Variants in ATRX observed in about 807,000 individuals in gnomAD.
ATRX encodes chromatin remodeler ATRX.
Under a neutral mutation model 172.6 loss-of-function variants are expected in ATRX, and 12 were observed. The observed-to-expected ratio is 0.07, with a 90% CI of 0.04 to 0.11. The LOEUF is 0.11. Ranked by LOEUF, ATRX falls within the 10% of genes least tolerant of loss-of-function variation. The pLI is 1.00. For synonymous variants in ATRX, 674 were observed against 594.7 expected (o/e 1.13, Z -1.94); for missense variants, 1,368 against 1,767.4 (o/e 0.77, Z 4.05).
intron 5 of ATRX, among the ~76,000 whole-genome samples, chrX:77,695,271 T>G (rs1557149278): frequency 3.6e-5 from 4 of 111,046 alleles, no homozygotes. Context: ...CTTACAGTGT[T>G]GTTTTGAGGA....
chrX:77,523,894 T>C (rs2063305380), intron 30 of ATRX, among the ~76,000 whole-genome samples: 1 of 111,720 alleles, frequency 9.0e-6, no homozygotes, highest in Non-Finnish European at 1.9e-5. Flanking sequence ...AGAGTTTAAC[T>C]GAAACATATA....
intron 1 of ATRX, among the ~76,000 whole-genome samples, chrX:77,769,473 G>C (rs1437446632): frequency 1.8e-5 from 2 of 110,348 alleles, no homozygotes; most frequent in African/African-American, 6.6e-5. Flanking sequence ...ATTTTTAGTA[G>C]AGACAGGGTT....
intron 13 of ATRX, among the ~76,000 whole-genome samples, chrX:77,654,867 A>G (rs2069458424): frequency 8.9e-6 from 1 of 112,281 alleles, no homozygotes; most frequent in Non-Finnish European, 1.9e-5. Context: ...AAGCAGCATT[A>G]TTCATGATAG....
chrX:77,537,691 T>C (rs1602427679), intron 30 of ATRX, among the ~76,000 whole-genome samples: 1 of 110,440 alleles, frequency 9.1e-6, no homozygotes, highest in Admixed American at 9.7e-5. Flanking sequence ...CATATTTCTA[T>C]ACAGAGGTGT....
chrX:77,586,310 T>C (rs531079571), intron 27 of ATRX, among the ~76,000 whole-genome samples: 5 of 111,001 alleles, frequency 4.5e-5, no homozygotes, highest in South Asian at 3.8e-4. Flanking sequence ...AAATCAGACA[T>C]TGGAGTCAGG....
intron 34 of ATRX, among the ~76,000 whole-genome samples, chrX:77,515,520 C>T (rs1219783437): frequency 2.7e-5 from 3 of 111,363 alleles, no homozygotes; most frequent in African/African-American, 9.8e-5. Flanking sequence ...GTGCCCTCTG[C>T]CTACTCATAC....
At chrX:77,591,791 A>G (rs1367229023) in intron 26 of ATRX, among the ~76,000 whole-genome samples, 2 of 112,268 alleles carry the variant, frequency 1.8e-5, no homozygotes, top group Non-Finnish European at 3.8e-5. Context: ...TAAGTTCTTG[A>G]AAGTTCCCGT....
intron 10 of ATRX, among the ~76,000 whole-genome samples, chrX:77,673,073 C>A (rs2070706824): frequency 9.0e-6 from 1 of 111,375 alleles, no homozygotes; most frequent in African/African-American, 3.2e-5. Context: ...CTTGAACACA[C>A]TACTATCGTA....
At chrX:77,726,692 G>A (rs2074058447) in intron 1 of ATRX, among the ~76,000 whole-genome samples, 1 of 111,469 alleles carries the variant, frequency 9.0e-6, no homozygotes, top group Non-Finnish European at 1.9e-5. Flanking sequence ...TACAAAAGGA[G>A]CTTGAGGCAG....
intron 14 of ATRX, 28 bp downstream of exon 14, chrX:77,654,070 T>A: frequency 8.9e-7 from 1 of 1,129,627 alleles, no homozygotes; most frequent in Non-Finnish European, 1.2e-6. Context: ...TGGTTATAAT[T>A]CAAGCATGTG....
intron 21 of ATRX, 24 bp from the exon 22 acceptor site, chrX:77,616,754 G>A (rs2067372811): frequency 1.9e-6 from 2 of 1,032,203 alleles, no homozygotes; most frequent in Non-Finnish European, 2.7e-6. Context: ...GAAAGAGAAT[G>A]AAAATTAATC....
At chrX:77,511,163 A>G (rs1259206521) in intron 34 of ATRX, among the ~76,000 whole-genome samples, 4 of 111,944 alleles carry the variant, frequency 3.6e-5, no homozygotes, top group African/African-American at 1.3e-4. Flanking sequence ...AATCCAGACA[A>G]TTCTTCCAGA....
At chrX:77,569,330 C>A (rs191523040) in intron 28 of ATRX, among the ~76,000 whole-genome samples, 1 of 111,094 alleles carries the variant, frequency 9.0e-6, no homozygotes, top group Admixed American at 9.6e-5. Flanking sequence ...ATAAACAGAG[C>A]TGAAAATATC....
intron 6 of ATRX, among the ~76,000 whole-genome samples, chrX:77,689,194 A>T (rs1762832998): frequency 8.9e-6 from 1 of 112,029 alleles, no homozygotes; most frequent in African/African-American, 3.2e-5. Flanking sequence ...CATTAAGAGA[A>T]CCCATAAAAA....
chrX:77,599,983 C>T (rs185469242), intron 23 of ATRX, among the ~76,000 whole-genome samples, 163 bp from the exon 24 acceptor site: 1 of 111,623 alleles, frequency 9.0e-6, no homozygotes, highest in East Asian at 2.8e-4. Flanking sequence ...GATATGCTTA[C>T]TAAATGCAAT....
chrX:77,551,251 C>T (rs2064497258), intron 30 of ATRX, among the ~76,000 whole-genome samples: 1 of 111,890 alleles, frequency 8.9e-6, no homozygotes, highest in African/African-American at 3.3e-5. Flanking sequence ...CAGCATGGTA[C>T]TGGTACCAAA....
intron 17 of ATRX, chrX:77,633,950 A>G: frequency 2.7e-6 from 1 of 363,849 alleles, no homozygotes; most frequent in Non-Finnish European, 4.8e-6. Context: ...GTATAAAATG[A>G]TCCCATACCA....
intron 1 of ATRX, among the ~76,000 whole-genome samples, chrX:77,762,030 C>T (rs782122706): frequency 1.4e-4 from 16 of 110,849 alleles, no homozygotes; most frequent in South Asian, 3.7e-4. Context: ...TGGCCAGGCG[C>T]GGTGGCTCAT....
At chrX:77,740,077 A>AAT (rs1350060024) in intron 1 of ATRX, among the ~76,000 whole-genome samples, 15,233 of 52,763 alleles carry the variant, frequency 0.29, 1,973 homozygotes, top group Non-Finnish European at 0.4. Context: ...AAAAAAAAAA[A>AAT]TTTTTAAAAA....
Sources: gnomAD v4.1 joint callset for allele counts (sites outside exome capture counted in the v4.1 genomes callset) on GRCh38, gnomAD v4.1.1 for gene constraint, MANE v1.5 for transcripts, NCBI Gene and HGNC (gene_info 2026-07-23, HGNC 2026-07-21) for gene names.